NALCN: variants seen among roughly 807,000 people sequenced by gnomAD.
The protein encoded by NALCN is sodium leak channel NALCN.
Under a neutral mutation model 225.3 loss-of-function variants are expected in NALCN, and 111 were observed. The ratio of observed to expected loss-of-function variants is 0.49; its 90% CI spans 0.42 to 0.58. The LOEUF (loss-of-function observed/expected upper bound fraction) is 0.58, where lower values mean the gene tolerates loss of function less well. Ranked by LOEUF, NALCN falls within the 20% of genes least tolerant of loss-of-function variation. The pLI, the probability that NALCN is intolerant of heterozygous loss-of-function variation, is 0.00. For missense variants in NALCN, 1,378 were observed against 2,202.4 expected (o/e 0.63, Z 7.49); for synonymous variants, 764 against 769.0 (o/e 0.99, Z 0.11).
chr13:101,311,205 G>C (rs1044490134), intron 7 of NALCN, among the ~76,000 whole-genome samples: 13 of 151,244 alleles, frequency 8.6e-5, no homozygotes, highest in African/African-American at 3.2e-4. Flanking sequence ...TTTGCACATT[G>C]ATTTTGTATC....
chr13:101,378,599 A>T lies in NALCN; in HGVS notation c.346T>A (p.Phe116Ile). Reference protein sequence around the residue: ...RWCVFDGFMVFCLWVSLVLQV... With the variant: ...RWCVFDGFMVICLWVSLVLQV... The stretch of plus-strand genomic sequence containing the variant: ...AGCACCAAAGAAACCCAAAGGCAAA[A>T]GACCATAAATCCATCAAAAACACAC... The change falls in exon 4 of 44, where the codon TTT becomes ATT. Residue 116 changes from phenylalanine (F) to isoleucine (I), a missense_variant. By Grantham distance (21) the Phe-to-Ile change is conservative (BLOSUM62 0). Around this residue, in one of 19 missense-constraint regions of NALCN, gnomAD observed 146 missense variants for 205.9 expected, o/e 0.71. Coordinates refer to ENST00000251127, the MANE Select transcript of NALCN (RefSeq NM_052867.4). 5 of 1,609,434 alleles carry T rather than the reference A, an allele frequency of 3.1e-6. No homozygotes were observed. The highest frequency in any genetic ancestry group is 4.2e-6 in the Non-Finnish European group (5 of 1,177,430).
At chr13:101,142,207 T>A (rs1331238032) in intron 17 of NALCN, among the ~76,000 whole-genome samples, 2 of 134,072 alleles carry the variant, frequency 1.5e-5, no homozygotes, top group East Asian at 4.8e-4. Context: ...AGTGGCACAA[T>A]CTCAGCTCAC....
chr13:101,104,640 C>T lies in NALCN; in HGVS notation c.2647G>A (p.Gly883Arg). Reference protein sequence around the residue: ...TKYHQLYDLLGLVTYLDWVMI... With the variant: ...TKYHQLYDLLRLVTYLDWVMI... ...ACCCAGTCCAGGTAAGTGACCAATC[C>T]CAGCAAATCACTGCCAAAGACCAAA... The change falls in exon 24 of 44, where the codon GGA (glycine) becomes AGA (arginine). Residue 883 changes from glycine (G) to arginine (R), a missense_variant. Transcript: ENST00000251127. The surrounding 1 kb of genome is among the most constrained non-coding windows in gnomAD (Gnocchi z 4.2). 1 of 1,613,766 alleles carries T rather than the reference C, an allele frequency of 6.2e-7. No homozygotes were observed. The highest frequency in any genetic ancestry group is 8.5e-7 in the Non-Finnish European group (1 of 1,179,850).
intron 6 of NALCN, among the ~76,000 whole-genome samples, chr13:101,375,704 T>C (rs2046669850): frequency 6.6e-6 from 1 of 152,150 alleles, no homozygotes; most frequent in Non-Finnish European, 1.5e-5. Context: ...TATGGATGAG[T>C]TCTTCATTTA....
intron 13 of NALCN, among the ~76,000 whole-genome samples, chr13:101,204,303 T>G (rs2040235676): frequency 6.6e-6 from 1 of 152,214 alleles, no homozygotes; most frequent in South Asian, 2.1e-4. Flanking sequence ...ATTCTGTGAC[T>G]GCCTTTTATG....
chr13:101,345,049 C>A (rs1190422059), intron 7 of NALCN, among the ~76,000 whole-genome samples: 1 of 152,142 alleles, frequency 6.6e-6, no homozygotes, highest in Non-Finnish European at 1.5e-5. Flanking sequence ...ATCTGTAACT[C>A]CATACAAACA....
chr13:101,340,974 C>T (rs964462798), intron 7 of NALCN, among the ~76,000 whole-genome samples: 1 of 151,602 alleles, frequency 6.6e-6, no homozygotes, highest in Non-Finnish European at 1.5e-5. Context: ...GCATTCTCAT[C>T]TCATGACAAG....
chr13:101,323,295 C>A (rs2044821279), intron 7 of NALCN, among the ~76,000 whole-genome samples: 1 of 152,026 alleles, frequency 6.6e-6, no homozygotes, highest in Non-Finnish European at 1.5e-5. Flanking sequence ...AATTACAGAC[C>A]TTAGCCATTT....
At position 101,124,642 on chromosome 13, in the gene NALCN, G is replaced by A; in HGVS notation, c.2158C>T (p.Leu720=). The change falls in exon 18 of 44, where the codon CTG becomes TTG. Residue 720 remains leucine, a synonymous_variant. Transcript: ENST00000251127. Reference sequence around the variant, plus strand: ...TTAGTGACTGCGGTCTCCTTTTCCAGAAGGTTCCTTGCCCTGATGCTGAAA... The same window carrying A: ...TTAGTGACTGCGGTCTCCTTTTCCAAAAGGTTCCTTGCCCTGATGCTGAAA... The part of the protein sequence containing the change: ...SVFSIRARNL[L]EKETAVTKIL... 6.2e-7 allele frequency: 1 copy of A among 1,614,080 alleles called. No homozygotes were observed. Among genetic ancestry groups the A allele is most frequent in the Non-Finnish European group, 8.5e-7 (1 of 1,179,988 alleles).
intron 18 of NALCN, among the ~76,000 whole-genome samples, chr13:101,117,802 A>G (rs547307747): frequency 2.6e-4 from 39 of 152,284 alleles, no homozygotes; most frequent in African/African-American, 8.7e-4. Context: ...AGTTTTGGCA[A>G]TTAGGAATAA....
chr13:101,121,088 G>A (rs2035951064), intron 18 of NALCN, among the ~76,000 whole-genome samples: 1 of 152,050 alleles, frequency 6.6e-6, no homozygotes, highest in African/African-American at 2.4e-5. Context: ...TCTTTTTAAG[G>A]TAGATAAGAA....
At chr13:101,353,650 C>G (rs189232624) in intron 6 of NALCN, among the ~76,000 whole-genome samples, 23 of 152,280 alleles carry the variant, frequency 1.5e-4, no homozygotes, top group Admixed American at 4.6e-4. Flanking sequence ...TTTTAATAAA[C>G]AAGTTAACCT....
chr13:101,401,008 A>G (rs1205146661), intron 1 of NALCN, among the ~76,000 whole-genome samples: 1 of 152,188 alleles, frequency 6.6e-6, no homozygotes, highest in African/African-American at 2.4e-5. Context: ...CTCCCCAGCC[A>G]TGCAGAATGG....
At position 101,384,426 on chromosome 13, in the gene NALCN, TATC is replaced by T. The variant is rs149601327; in HGVS notation, c.292-5776_292-5774del. Among the ~76,000 whole-genome samples the T allele has an allele frequency of 6.3e-3, 959 of 152,004 alleles. 10 individuals are homozygous for T. The highest frequency in any genetic ancestry group is 0.022 in the African/African-American group (910 of 41,436). ...ACGATAAGGTAAGAAAGTAACAACA[TATC>T]ATGCAAGTATTTAACAAGCAGAAAA... On this transcript the variant is annotated intron_variant, in intron 3 of 43. Transcript: ENST00000251127.
Position 101,103,259 on chromosome 13 carries a change from G to A in NALCN, c.2970C>T (p.Cys990=). ...GTTTGAATATGCGCAGAGGTCTCAG[G>A]CACCGAAGGACCATTAGAAGCTGAG... ...SGAQLLMVLR[C]LRPLRIFKLV... Residue 990 remains cysteine (C), a synonymous_variant, in exon 26 of 44, where the codon TGC becomes TGT. Transcript: ENST00000251127. The A allele has an allele frequency of 6.2e-7, 1 of 1,613,994 alleles. No individual in the cohort carries two copies.
chr13:101,224,651 T>C (rs1009534143), intron 13 of NALCN, among the ~76,000 whole-genome samples: 5 of 152,130 alleles, frequency 3.3e-5, no homozygotes, highest in African/African-American at 1.2e-4. Context: ...CCCTAACTTA[T>C]AAACTCCCAA....
chr13:101,258,391 C>T (rs1292108443), intron 11 of NALCN, 52 bp downstream of exon 11: 23 of 1,609,040 alleles, frequency 1.4e-5, no homozygotes, highest in African/African-American at 2.7e-5. Context: ...AGGCACTGTC[C>T]GCGGTTCACC....
At chr13:101,138,556 C>G (rs1234465332) in intron 17 of NALCN, among the ~76,000 whole-genome samples, 1 of 152,188 alleles carries the variant, frequency 6.6e-6, no homozygotes, top group Non-Finnish European at 1.5e-5. Context: ...AGCCCTCATC[C>G]TAGCATGGCT....
intron 43 of NALCN, among the ~76,000 whole-genome samples, chr13:101,056,319 G>A (rs918406233): frequency 4.3e-5 from 6 of 138,188 alleles, no homozygotes; most frequent in Admixed American, 1.6e-4. Context: ...GGAGTGCAGC[G>A]GCACAATCTT....
Sources: gnomAD v4.1 joint callset for allele counts (sites outside exome capture counted in the v4.1 genomes callset) on GRCh38, gnomAD v4.1.1 for gene constraint, gnomAD v4.1.1 regional missense constraint, Gnocchi (gnomAD v3.1) non-coding constraint, MANE v1.5 for transcripts, NCBI Gene and HGNC (gene_info 2026-07-23, HGNC 2026-07-21) for gene names.